The following CUL2 variants were observed in gnomAD, a reference collection of about 807,000 sequenced individuals.
CUL2 encodes the protein cullin-2.
Under a neutral mutation model 110.2 loss-of-function variants are expected in CUL2, and 22 were observed. The ratio of observed to expected loss-of-function variants is 0.20; its 90% confidence interval spans 0.14 to 0.28. CUL2 has a LOEUF of 0.28. Ranked by LOEUF, CUL2 falls within the 10% of genes least tolerant of loss-of-function variation. The pLI is 1.00. For missense variants in CUL2, 631 were observed against 905.5 expected (o/e 0.70, Z 3.89); for synonymous variants, 279 against 293.2 (o/e 0.95, Z 0.49).
rs1217867884 is a variant in CUL2 at position 35,045,295 on chromosome 10, A to G, written c.507-427T>C. Among the ~76,000 whole-genome samples the G allele has an allele frequency of 2.0e-5, 3 of 152,216 alleles. No individual in the cohort carries two copies. The South Asian group carries it at 6.2e-4, about 31-fold the overall frequency. On this transcript the variant is annotated intron_variant, in intron 6 of 20. Coordinates refer to ENST00000374749, the MANE Select transcript of CUL2 (RefSeq NM_003591.4). ...AAATGTTAGCTTTTCTAATAAAAGG[A>G]ATATGAAATAGAACCAGGCACCGTG...
At chr10:35,121,129 C>T (rs1161646476) in intron 1 of CUL2, among the ~76,000 whole-genome samples, 3 of 152,162 alleles carry the variant, frequency 2.0e-5, no homozygotes, top group Non-Finnish European at 2.9e-5. Flanking sequence ...TTCCTATAGG[C>T]GATTCTAGCA....
In CUL2 at chr10:35,077,298, A is replaced by C. The variant is rs145868556; in HGVS notation, c.-22-5959T>G. Among the ~76,000 whole-genome samples, 522 of 151,286 alleles carry C rather than the reference A, an allele frequency of 3.5e-3. 2 individuals are homozygous for C. Among genetic ancestry groups the C allele is most frequent in the African/African-American group, 0.012 (479 of 41,376 alleles). On this transcript the variant is annotated intron_variant, in intron 1 of 20. Coordinates refer to ENST00000374749, the MANE Select transcript of CUL2 (RefSeq NM_003591.4). ...AACAGAGCAAGACTCCGTCTCAAAA[A>C]AAAAAACAAAAAACAAAAACAAACA...
At chr10:35,099,158 C>T (rs543052641) in intron 2 of CUL2, among the ~76,000 whole-genome samples, 2 of 151,752 alleles carry the variant, frequency 1.3e-5, no homozygotes, top group East Asian at 2.0e-4. Flanking sequence ...TTTGGGAGGC[C>T]GAGGAGGGCA....
At chr10:35,069,438 G>C (rs1304510035) in intron 2 of CUL2, among the ~76,000 whole-genome samples, 1 of 152,074 alleles carries the variant, frequency 6.6e-6, no homozygotes, top group Non-Finnish European at 1.5e-5. Context: ...CTACTCAGGA[G>C]GCTGAGATAG....
intron 2 of CUL2, chr10:35,098,060 G>A (rs1320323725): frequency 6.6e-6 from 1 of 152,132 alleles, no homozygotes; most frequent in East Asian, 1.9e-4. Context: ...TATTCTGTGG[G>A]TGATAGTGGT....
chr10:35,055,190 T>C (rs1589009587), intron 4 of CUL2, among the ~76,000 whole-genome samples: 1 of 152,364 alleles, frequency 6.6e-6, no homozygotes, highest in South Asian at 2.1e-4. Flanking sequence ...GTGTAGTTTT[T>C]AGGATTCCAG....
chr10:35,026,826 A>G (rs558851082), intron 16 of CUL2, among the ~76,000 whole-genome samples: 4 of 152,150 alleles, frequency 2.6e-5, no homozygotes, highest in African/African-American at 9.6e-5. Context: ...AACTTATTTT[A>G]TTTTTTTAAA....
Position 35,015,487 on chromosome 10 carries a change from T to G in CUL2, c.1887+705A>C, listed in dbSNP as rs1268643647. On this transcript the variant is annotated intron_variant, in intron 18 of 20. Coordinates refer to ENST00000374749, the MANE Select transcript of CUL2 (RefSeq NM_003591.4). ...AATGAGAGAAATAAACTGTAGGCTA[T>G]TAACTTTACAAAAATAAAAACAAAA... Among the ~76,000 whole-genome samples the G allele has an allele frequency of 2.0e-5, 3 of 152,168 alleles. No homozygotes were observed. In the East Asian group the frequency reaches 5.8e-4, roughly 29 times the overall value.
chr10:35,043,800 C>T (rs2085860948), intron 8 of CUL2, among the ~76,000 whole-genome samples: 1 of 152,046 alleles, frequency 6.6e-6, no homozygotes, highest in Non-Finnish European at 1.5e-5. Flanking sequence ...GGTGCAATGG[C>T]TCACATCTAA....
intron 1 of CUL2, among the ~76,000 whole-genome samples, chr10:35,124,567 T>C (rs902296690): frequency 1.3e-4 from 20 of 152,094 alleles, no homozygotes; most frequent in Non-Finnish European, 7.3e-5. Context: ...TGGCAAGGGA[T>C]GGAACAGTAA....
chr10:35,114,173 C>T (rs530536521), intron 1 of CUL2, among the ~76,000 whole-genome samples: 1 of 151,782 alleles, frequency 6.6e-6, no homozygotes, highest in South Asian at 2.1e-4. Flanking sequence ...CCGCCTGCCT[C>T]GGCCTCCCAA....
intron 1 of CUL2, among the ~76,000 whole-genome samples, chr10:35,073,698 G>A (rs1255625490): frequency 6.6e-6 from 1 of 150,882 alleles, no homozygotes; most frequent in East Asian, 1.9e-4. Context: ...TCTGCTTCCT[G>A]GGTTGAAGTG....
rs2085588034 is a variant in CUL2 at position 35,035,169 on chromosome 10, C to A, written c.1002+3G>T. The A allele has an allele frequency of 6.2e-7, 1 of 1,614,058 alleles. No individual in the cohort carries two copies. The highest frequency in any genetic ancestry group is 8.5e-7 in the Non-Finnish European group (1 of 1,180,016). ...AAACATTGCAGTTTCCCACACAACT[C>A]ACGTTTTCCTGAGTAAGGTTGCTGG... On this transcript the variant is annotated splice_donor_region_variant and intron_variant, in intron 10 of 20. Coordinates refer to ENST00000374749, the MANE Select transcript of CUL2 (RefSeq NM_003591.4).
At chr10:35,040,591 T>C (rs1166014116) in intron 8 of CUL2, among the ~76,000 whole-genome samples, 1 of 152,122 alleles carries the variant, frequency 6.6e-6, no homozygotes, top group African/African-American at 2.4e-5. Context: ...GTCTTTCCTA[T>C]TGTGCGACCC....
At chr10:35,080,834 T>C (rs2086929735) in intron 1 of CUL2, among the ~76,000 whole-genome samples, 1 of 152,096 alleles carries the variant, frequency 6.6e-6, no homozygotes, top group East Asian at 1.9e-4. Flanking sequence ...TGTGCCAAAA[T>C]GTATACTGCA....
intron 1 of CUL2, among the ~76,000 whole-genome samples, chr10:35,083,339 A>T (rs1325380095): frequency 3.3e-5 from 5 of 152,198 alleles, no homozygotes; most frequent in Admixed American, 2.6e-4. Context: ...ACATGCAGAT[A>T]AAAAGATATA....
intron 17 of CUL2, among the ~76,000 whole-genome samples, chr10:35,022,191 T>C (rs1448363647): frequency 6.6e-6 from 1 of 152,182 alleles, no homozygotes; most frequent in African/African-American, 2.4e-5. Context: ...TTCTTTGAGT[T>C]GATCAATGAA....
chr10:35,089,563 A>C (rs1347494147), intron 1 of CUL2, among the ~76,000 whole-genome samples: 1 of 152,216 alleles, frequency 6.6e-6, no homozygotes, highest in Non-Finnish European at 1.5e-5. Flanking sequence ...AAAGATGTGG[A>C]CTTAACATTA....
chr10:35,020,691 T>G (rs1347773625), intron 17 of CUL2, among the ~76,000 whole-genome samples: 1 of 152,238 alleles, frequency 6.6e-6, no homozygotes, highest in Non-Finnish European at 1.5e-5. Context: ...AAATAAAACT[T>G]ATTTATACAA....
Sources: allele counts gnomAD v4.1 joint callset (sites outside exome capture counted in the v4.1 genomes callset), GRCh38; gene constraint gnomAD v4.1.1; transcripts MANE v1.5; gene names NCBI Gene and HGNC (gene_info 2026-07-23, HGNC 2026-07-21).